Variants in CCDC70 observed in about 807,000 individuals in gnomAD.
CCDC70 encodes the protein coiled-coil domain containing 70, also known as coiled-coil domain-containing protein 70.
Under a neutral mutation model 9.1 loss-of-function variants are expected in CCDC70, and 4 were observed. That is an observed-to-expected ratio of 0.44 (90% CI 0.22 to 1.00). The LOEUF (loss-of-function observed/expected upper bound fraction) is 1.00. CCDC70 is among the 50% of genes least tolerant of loss of function. The pLI, the probability that CCDC70 is intolerant of heterozygous loss-of-function variation, is 0.25. For missense variants in CCDC70, 308 were observed against 271.3 expected (o/e 1.14, Z -0.95); for synonymous variants, 119 against 94.0 (o/e 1.27, Z -1.54).
intron 1 of CCDC70, 65 bp from the exon 2 acceptor site, chr13:51,865,267 C>A: frequency 1.2e-6 from 1 of 827,160 alleles, no homozygotes; most frequent in Non-Finnish European, 1.9e-6. Flanking sequence ...TTCAGTAGTA[C>A]AGAACCAAGG....
intron 1 of CCDC70, among the ~76,000 whole-genome samples, chr13:51,863,672 GACACACACACACACACACAC>G (rs35041555): frequency 6.0e-4 from 80 of 134,298 alleles, no homozygotes; most frequent in African/African-American, 1.9e-3. Flanking sequence ...CGCGCACACA[GACACACACACACACACACAC>G]ACACACACAC....
At chr13:51,864,532 CCCATGCTGTTGTAGGCAG>C (rs916453439) in intron 1 of CCDC70, among the ~76,000 whole-genome samples, 1 of 152,226 alleles carries the variant, frequency 6.6e-6, no homozygotes, top group African/African-American at 2.4e-5. Context: ...ATAAGATTTA[CCCATGCTGTTGTAGGCAG>C]CCATGCTGTC....
intron 1 of CCDC70, 129 bp from the exon 2 acceptor site, chr13:51,865,203 G>C (rs1231262879): frequency 2.6e-5 from 14 of 540,570 alleles, no homozygotes; most frequent in Admixed American, 6.7e-5. Context: ...ACCAAAGCTT[G>C]TCCCTCACAA....
At chr13:51,865,269 GAA>G in intron 1 of CCDC70, 61 bp from the exon 2 acceptor site, 1 of 853,120 alleles carries the variant, frequency 1.2e-6, no homozygotes, top group South Asian at 1.8e-5. Flanking sequence ...CAGTAGTACA[GAA>G]CCAAGGGCCG....
chr13:51,862,386 TAC>T (rs1426716954), intron 1 of CCDC70, among the ~76,000 whole-genome samples, 157 bp downstream of exon 1: 2 of 152,272 alleles, frequency 1.3e-5, no homozygotes, highest in Admixed American at 1.3e-4. Flanking sequence ...GATACACATC[TAC>T]AGTTTTATAT....
At chr13:51,863,699 A>ACC (rs1956398721) in intron 1 of CCDC70, among the ~76,000 whole-genome samples, 1 of 132,582 alleles carries the variant, frequency 7.5e-6, no homozygotes, top group African/African-American at 2.7e-5. Context: ...ACACACACAC[A>ACC]CACACACACA....
At chr13:51,864,734 C>T (rs564018388) in intron 1 of CCDC70, among the ~76,000 whole-genome samples, 44 of 152,352 alleles carry the variant, frequency 2.9e-4, no homozygotes, top group African/African-American at 1.0e-3. Flanking sequence ...TGCGGGTCAT[C>T]TGGTGTCTTT....
In CCDC70 at chr13:51,865,366, C is replaced by G. The variant is rs374783182; in HGVS notation, c.-46C>G. 1.3e-6 allele frequency: 2 copies of G among 1,567,384 alleles called. No individual in the cohort carries two copies. Among genetic ancestry groups the G allele is most frequent in the Non-Finnish European group, 1.7e-6 (2 of 1,157,782 alleles). On this transcript the variant is annotated 5_prime_UTR_variant, in exon 2 of 2. Coordinates refer to ENST00000242819, the MANE Select transcript of CCDC70 (RefSeq NM_031290.4). ...AGCCGACCTGGACCTGGCCAAGGGT[C>G]CTGTCATCCCTCATGGCCACCCCGC...
rs778245354 is a variant in CCDC70, at chr13:51,865,593, T to G, written c.182T>G (p.Phe61Cys). ...IEDFREEMWT[F>C]RGKIHAFRGQ... ...GACTTCAGGGAAGAGATGTGGACTT[T>G]CCGAGGCAAGATCCATGCTTTCCGG... Residue 61 changes from phenylalanine (F) to cysteine (C), a missense_variant, in exon 2 of 2, where the codon TTC becomes TGC. Physicochemically the swap from Phe to Cys is radical, Grantham distance 205. Transcript: ENST00000242819. 9 of 1,614,044 alleles carry G rather than the reference T, an allele frequency of 5.6e-6. No individual in the cohort carries two copies. Among genetic ancestry groups the G allele is most frequent in the African/African-American group, 2.7e-5 (2 of 74,916 alleles).
Position 51,862,112 on chromosome 13 carries a change from A to ACT in CCDC70, c.-197_-196dup, listed in dbSNP as rs1182575901. 1 of 152,276 alleles carries ACT rather than the reference A, an allele frequency of 6.6e-6. No homozygotes were observed. Among genetic ancestry groups the ACT allele is most frequent in the Non-Finnish European group, 1.5e-5 (1 of 68,086 alleles). The allele number at this position is 152,276 out of a possible 1,614,324, so 9.4% of individuals were successfully genotyped here. On this transcript the variant is annotated 5_prime_UTR_variant, in exon 1 of 2. Transcript: ENST00000242819. Reference sequence around the variant, plus strand: ...AGGACTGAAAGGGCACAGACAGGTCACTGCCAGCATTGTTGGGGCAAGCCT... The same window carrying ACT: ...AGGACTGAAAGGGCACAGACAGGTCACTCTGCCAGCATTGTTGGGGCAAGCCT...
chr13:51,863,691 A>ACACACACACACACAC (rs1555276653), intron 1 of CCDC70, among the ~76,000 whole-genome samples: 24 of 131,078 alleles, frequency 1.8e-4, no homozygotes, highest in African/African-American at 6.6e-4. Flanking sequence ...ACACACACAC[A>ACACACACACACACAC]CACACACACA....
At chr13:51,864,162 T>G (rs1433414495) in intron 1 of CCDC70, among the ~76,000 whole-genome samples, 2 of 151,822 alleles carry the variant, frequency 1.3e-5, no homozygotes, top group Non-Finnish European at 2.9e-5. Context: ...CCTCCCAGCT[T>G]TTATTTTATT....
At chr13:51,864,945 C>T (rs900197284) in intron 1 of CCDC70, among the ~76,000 whole-genome samples, 2 of 152,222 alleles carry the variant, frequency 1.3e-5, no homozygotes, top group African/African-American at 2.4e-5. Flanking sequence ...AGGACATTCA[C>T]ACGTGAGCAT....
rs1011026788 is a variant in CCDC70 at position 51,866,067 on chromosome 13, G to T, written c.656G>T (p.Arg219Leu). The T allele has an allele frequency of 6.3e-7, 1 of 1,577,892 alleles. No individual in the cohort carries two copies. Among genetic ancestry groups the T allele is most frequent in the Non-Finnish European group, 8.6e-7 (1 of 1,164,818 alleles). ...GGGCAGCGCTTGCTGGCCTTCTCCCGAGGCAGGGCGTAGCCAGCATGCAGG... is the reference window on the plus strand; with the variant it reads ...GGGCAGCGCTTGCTGGCCTTCTCCCTAGGCAGGGCGTAGCCAGCATGCAGG... Reference protein sequence around the residue: ...NRGQRLLAFSRGRA With the variant: ...NRGQRLLAFSLGRA Residue 219 changes from arginine to leucine, a missense_variant, in exon 2 of 2, where the codon CGA becomes CTA. Coordinates refer to ENST00000242819, the MANE Select transcript of CCDC70 (RefSeq NM_031290.4).
intron 1 of CCDC70, 56 bp from the exon 2 acceptor site, chr13:51,865,276 G>C: frequency 1.1e-6 from 1 of 911,308 alleles, no homozygotes; most frequent in Non-Finnish European, 1.7e-6. Context: ...ACAGAACCAA[G>C]GGCCGTCCCC....
chr13:51,863,016 G>A (rs544340487), intron 1 of CCDC70, among the ~76,000 whole-genome samples: 1 of 152,320 alleles, frequency 6.6e-6, no homozygotes, highest in African/African-American at 2.4e-5. Flanking sequence ...GTATCGCAGA[G>A]GTGGCGAGGA....
chr13:51,862,038 A>G lies in CCDC70; in HGVS notation c.-272A>G, dbSNP rs1213490506. 1 of 152,222 alleles carries G rather than the reference A, an allele frequency of 6.6e-6. No individual in the cohort carries two copies. The highest frequency in any genetic ancestry group is 1.5e-5 in the Non-Finnish European group (1 of 68,050). 9.4% of individuals were successfully genotyped at this position (152,222 alleles called of 1,614,324 possible). On this transcript the variant is annotated 5_prime_UTR_variant, in exon 1 of 2. Transcript: ENST00000242819. ...CTTTCAAGTGCCCCCTCCTTTCCTTAAAGTCTTTTATAGGGGTCCCCTTCT... is the reference window on the plus strand; with the variant it reads ...CTTTCAAGTGCCCCCTCCTTTCCTTGAAGTCTTTTATAGGGGTCCCCTTCT...
chr13:51,863,426 G>C (rs1956395640), intron 1 of CCDC70, among the ~76,000 whole-genome samples: 2 of 152,194 alleles, frequency 1.3e-5, no homozygotes, highest in Non-Finnish European at 2.9e-5. Flanking sequence ...AGAGCAGCGA[G>C]ACTGTTACAG....
intron 1 of CCDC70, among the ~76,000 whole-genome samples, chr13:51,864,689 T>C (rs1956406175): frequency 6.6e-6 from 1 of 152,222 alleles, no homozygotes; most frequent in Non-Finnish European, 1.5e-5. Context: ...TCACAGTTCC[T>C]AAGTTTCCTC....
Sources: gnomAD v4.1 joint callset for allele counts (sites outside exome capture counted in the v4.1 genomes callset) on GRCh38, gnomAD v4.1.1 for gene constraint, MANE v1.5 for transcripts, NCBI Gene and HGNC (gene_info 2026-07-23, HGNC 2026-07-21) for gene names.